The following SSH2 variants were observed in gnomAD, a reference collection of about 807,000 sequenced individuals.
The protein encoded by SSH2 is protein phosphatase Slingshot homolog 2.
Under a neutral mutation model 135.2 loss-of-function variants are expected in SSH2, and 37 were observed. That is an observed-to-expected ratio of 0.27 (90% CI 0.21 to 0.36). The LOEUF (loss-of-function observed/expected upper bound fraction) is 0.36. Among genes scored for constraint, SSH2 ranks in the 10% least tolerant of loss-of-function variants. SSH2 has a pLI of 1.00. For synonymous variants in SSH2, 628 were observed against 646.2 expected (o/e 0.97, Z 0.43); for missense variants, 1,408 against 1,765.3 (o/e 0.80, Z 3.63).
chr17:29,926,028 G>C (rs2067058197), intron 1 of SSH2, among the ~76,000 whole-genome samples: 1 of 152,044 alleles, frequency 6.6e-6, no homozygotes, highest in African/African-American at 2.4e-5. Context: ...TCTATCCTAA[G>C]AGTTGGCATC....
Position 29,626,164 on chromosome 17 carries a change from C to T in SSH2, c.*4677G>A, listed in dbSNP as rs1450422765. ...TCCCAGAGATTCCAGGGAGCACCTG[C>T]TTTAATAAAACATGAGCATAAAAGT... On this transcript the variant is annotated 3_prime_UTR_variant, in exon 16 of 16. Transcript: ENST00000540801. 6.6e-6 allele frequency: 1 copy of T among 152,238 alleles called. No homozygotes were observed. The allele number at this position is 152,238 out of a possible 1,614,324, so 9.4% of individuals were successfully genotyped here.
intron 5 of SSH2, among the ~76,000 whole-genome samples, chr17:29,692,649 A>G (rs749195387): frequency 1.3e-5 from 2 of 152,352 alleles, no homozygotes; most frequent in South Asian, 4.1e-4. Flanking sequence ...AGAAAACGAT[A>G]AAGTGATGTT....
chr17:29,789,060 G>T (rs951555574), intron 3 of SSH2, among the ~76,000 whole-genome samples: 1 of 152,214 alleles, frequency 6.6e-6, no homozygotes, highest in Admixed American at 6.5e-5. Context: ...ACTTGGGCTG[G>T]ATTGTGTTTG....
intron 2 of SSH2, among the ~76,000 whole-genome samples, chr17:29,812,398 C>T (rs2042459667): frequency 6.6e-6 from 1 of 152,042 alleles, no homozygotes; most frequent in Non-Finnish European, 1.5e-5. Flanking sequence ...ATTCTCTCAC[C>T]TCAGCCTCCT....
chr17:29,885,348 T>TAAA (rs72403205), intron 1 of SSH2, among the ~76,000 whole-genome samples: 4 of 127,110 alleles, frequency 3.1e-5, no homozygotes, highest in African/African-American at 6.1e-5. Context: ...TATTGTATCA[T>TAAA]AAAAAAAAAA....
chr17:29,835,568 A>G (rs1230589582), intron 2 of SSH2, among the ~76,000 whole-genome samples: 2 of 152,186 alleles, frequency 1.3e-5, no homozygotes, highest in Non-Finnish European at 2.9e-5. Context: ...ATTCAGTTCA[A>G]GTAAGACCAG....
At chr17:29,761,462 C>G (rs1238622129) in intron 3 of SSH2, 1 of 995,284 alleles carries the variant, frequency 1.0e-6, no homozygotes, top group Non-Finnish European at 1.2e-6. Context: ...TCGCCCCCAC[C>G]CGCGTCCGGG....
chr17:29,905,790 C>G (rs970269883), intron 1 of SSH2, among the ~76,000 whole-genome samples: 2 of 152,124 alleles, frequency 1.3e-5, no homozygotes, highest in African/African-American at 2.4e-5. Flanking sequence ...TCAGGACTGC[C>G]CATGGGCCAA....
chr17:29,902,824 A>G (rs2066583168), intron 1 of SSH2, among the ~76,000 whole-genome samples: 1 of 152,076 alleles, frequency 6.6e-6, no homozygotes, highest in African/African-American at 2.4e-5. Context: ...TTCTGTATTA[A>G]TTTTCCATGG....
intron 3 of SSH2, chr17:29,761,057 A>C: frequency 8.0e-7 from 1 of 1,243,374 alleles, no homozygotes. Context: ...CCCTCGCTTG[A>C]TTGTTTGCTC....
At chr17:29,787,225 A>G (rs568257221) in intron 3 of SSH2, among the ~76,000 whole-genome samples, 2 of 152,208 alleles carry the variant, frequency 1.3e-5, no homozygotes, top group African/African-American at 2.4e-5. Flanking sequence ...GGAATCATAC[A>G]GTATTTGACT....
intron 8 of SSH2, among the ~76,000 whole-genome samples, chr17:29,672,833 A>G (rs963727657): frequency 2.0e-5 from 3 of 152,084 alleles, no homozygotes; most frequent in African/African-American, 7.2e-5. Context: ...CCTCCCGAGT[A>G]GTAGCTGGGA....
At chr17:29,875,030 T>C (rs2066003723) in intron 1 of SSH2, among the ~76,000 whole-genome samples, 4 of 152,104 alleles carry the variant, frequency 2.6e-5, no homozygotes, top group Admixed American at 2.6e-4. Flanking sequence ...GGCTCAGTTC[T>C]GATAAAGTCA....
chr17:29,660,556 T>G (rs1470733614), intron 11 of SSH2, among the ~76,000 whole-genome samples: 7 of 152,088 alleles, frequency 4.6e-5, no homozygotes, highest in Admixed American at 2.0e-4. Context: ...TGAGCCACTG[T>G]GCCTGGCCAA....
intron 2 of SSH2, among the ~76,000 whole-genome samples, chr17:29,821,777 G>C (rs1436675185): frequency 6.6e-6 from 1 of 151,888 alleles, no homozygotes; most frequent in African/African-American, 2.4e-5. Flanking sequence ...CTGAGTAGCT[G>C]GGGCTACAGG....
In SSH2 at chr17:29,638,509, TACACACACACACACACACACAC is replaced by T. The variant is rs71138839; in HGVS notation, c.1428-1729_1428-1708del. ...GGGAAGGCTTTTACTTTCTATATTT[TACACACACACACACACACACAC>T]ACACACACACACACACACACACACA... is the stretch of plus-strand genomic sequence containing the variant. On this transcript the variant is annotated intron_variant, in intron 14 of 15. Coordinates refer to ENST00000540801, the MANE Select transcript of SSH2 (RefSeq NM_001282129.2). 8.3e-3 allele frequency among the ~76,000 whole-genome samples: 1,070 copies of T among 128,960 alleles called. 13 individuals carry two copies. Among genetic ancestry groups the T allele is most frequent in the African/African-American group, 0.03 (1,006 of 33,818 alleles). The allele number at this position is 128,960 out of a possible 152,430, so 84.6% of individuals were successfully genotyped here. A position where few individuals can be genotyped will look rare whatever the true frequency, so the allele number is the denominator to read the frequency against.
chr17:29,845,925 A>G (rs1263471207), intron 2 of SSH2, among the ~76,000 whole-genome samples: 2 of 152,100 alleles, frequency 1.3e-5, no homozygotes, highest in African/African-American at 4.8e-5. Context: ...CACGCGTCCA[A>G]CTTCATGAAA....
chr17:29,636,003 A>G lies in SSH2; in HGVS notation c.2227T>C (p.Ser743Pro), dbSNP rs372507496. Residue 743 changes from serine (S) to proline (P), a missense_variant, in exon 15 of 16, where the codon TCA becomes CCA. By Grantham distance (74) the Ser-to-Pro change is moderately conservative. This residue lies in a region of SSH2 where 1,080 missense variants were observed against 1,144.5 expected (regional missense o/e 0.94). Coordinates refer to ENST00000540801, the MANE Select transcript of SSH2 (RefSeq NM_001282129.2). Reference sequence around the variant, plus strand: ...TCCTCATCCATTGAAGATTCTTCTGATGCATGGGGAGTATTACTCAAAGAG... The same window carrying G: ...TCCTCATCCATTGAAGATTCTTCTGGTGCATGGGGAGTATTACTCAAAGAG... Reference protein sequence around the residue: ...SSSLSNTPHASEESSMDEEQS... With the variant: ...SSSLSNTPHAPEESSMDEEQS... 1 of 1,613,734 alleles carries G rather than the reference A, an allele frequency of 6.2e-7. No individual in the cohort carries two copies. Among genetic ancestry groups the G allele is most frequent in the African/African-American group, 1.3e-5 (1 of 74,892 alleles).
chr17:29,752,806 A>G (rs1016716120), intron 3 of SSH2, among the ~76,000 whole-genome samples: 12 of 151,296 alleles, frequency 7.9e-5, no homozygotes, highest in Non-Finnish European at 1.8e-4. Flanking sequence ...CCAAATATCA[A>G]TAGAAAAATG....
Sources: gnomAD v4.1 joint callset for allele counts (sites outside exome capture counted in the v4.1 genomes callset) on GRCh38, gnomAD v4.1.1 for gene constraint, gnomAD v4.1.1 regional missense constraint, MANE v1.5 for transcripts, NCBI Gene and HGNC (gene_info 2026-07-23, HGNC 2026-07-21) for gene names.